MARCHF1: variants seen among roughly 807,000 people sequenced by gnomAD.
The protein encoded by MARCHF1 is membrane associated ring-CH-type finger 1.
In MARCHF1, 40 loss-of-function variants were observed where a neutral mutation model predicts 54.2. The ratio of observed to expected loss-of-function variants is 0.74; its 90% CI spans 0.57 to 0.96. MARCHF1 has a LOEUF of 0.96. MARCHF1 is among the 40% of genes least tolerant of loss of function. MARCHF1 has a pLI of 0.00. For missense variants in MARCHF1, 586 were observed against 656.5 expected (o/e 0.89, Z 1.17); for synonymous variants, 236 against 236.3 (o/e 1.00, Z 0.01).
Position 164,061,391 on chromosome 4 carries a change from G to T in MARCHF1, c.-248+50197C>A, listed in dbSNP as rs575063430. ...TTGGCATACCTTGGAGATATTGTAG[G>T]TTCAATTCCTAGCCACCAAGAAAAA... is the stretch of plus-strand genomic sequence containing the variant. On this transcript the variant is annotated intron_variant, in intron 2 of 9. Coordinates refer to ENST00000514618, the MANE Select transcript of MARCHF1 (RefSeq NM_001394959.1). Among the ~76,000 whole-genome samples, 3 of 151,220 alleles carry T rather than the reference G, an allele frequency of 2.0e-5. No homozygotes were observed. The East Asian group carries it at 5.8e-4, about 29-fold the overall frequency.
chr4:164,362,220 G>A (rs887508130), intron 1 of MARCHF1, among the ~76,000 whole-genome samples: 2 of 152,044 alleles, frequency 1.3e-5, no homozygotes, highest in Non-Finnish European at 2.9e-5. Flanking sequence ...ATTTGTGTGT[G>A]ATTATATCTA....
At chr4:163,855,936 T>C (rs1749758485) in intron 3 of MARCHF1, among the ~76,000 whole-genome samples, 1 of 152,218 alleles carries the variant, frequency 6.6e-6, no homozygotes, top group Non-Finnish European at 1.5e-5. Context: ...AAGAAGAGGA[T>C]AACTTTCATT....
chr4:163,648,389 G>A (rs1392360359), intron 5 of MARCHF1, among the ~76,000 whole-genome samples: 2 of 151,910 alleles, frequency 1.3e-5, no homozygotes, highest in Non-Finnish European at 2.9e-5. Context: ...TAGGAGTTCT[G>A]TGTTCAATTT....
intron 1 of MARCHF1, among the ~76,000 whole-genome samples, chr4:164,187,987 G>A (rs1324030049): frequency 6.6e-6 from 1 of 152,054 alleles, no homozygotes; most frequent in Non-Finnish European, 1.5e-5. Flanking sequence ...AGAATACTCA[G>A]ATTGAACATG....
chr4:164,271,285 T>C (rs1733740473), intron 1 of MARCHF1, among the ~76,000 whole-genome samples: 1 of 152,156 alleles, frequency 6.6e-6, no homozygotes. Context: ...GTTATCCAGA[T>C]GGGCCCAGTC....
intron 3 of MARCHF1, among the ~76,000 whole-genome samples, chr4:163,958,820 C>T (rs1385336040): frequency 6.6e-6 from 1 of 151,730 alleles, no homozygotes; most frequent in South Asian, 2.1e-4. Context: ...GGGATGAATT[C>T]AGGAAGAATT....
chr4:164,149,673 A>T (rs77432288), intron 1 of MARCHF1, among the ~76,000 whole-genome samples: 1 of 151,980 alleles, frequency 6.6e-6, no homozygotes, highest in Non-Finnish European at 1.5e-5. Context: ...AGTAGTAAAA[A>T]TTCCTGGTTT....
intron 3 of MARCHF1, among the ~76,000 whole-genome samples, chr4:163,957,699 G>T (rs542812203): frequency 1.3e-5 from 2 of 151,730 alleles, no homozygotes; most frequent in African/African-American, 4.8e-5. Context: ...AATTTCTCAC[G>T]CCAAAAAAAT....
chr4:163,681,830 A>C (rs71614776), intron 5 of MARCHF1, among the ~76,000 whole-genome samples: 21,505 of 152,118 alleles, frequency 0.14, 1,819 homozygotes, highest in East Asian at 0.33. Context: ...GTAGCAGTAG[A>C]GTGGGGTGTT....
intron 1 of MARCHF1, among the ~76,000 whole-genome samples, chr4:164,317,488 C>T (rs1036303821): frequency 1.6e-4 from 25 of 152,192 alleles, no homozygotes; most frequent in Non-Finnish European, 1.0e-4. Flanking sequence ...ACTGTATCAT[C>T]GCATCCACTA....
rs539171523 is a variant in MARCHF1, at chr4:163,595,210, T to C, written c.1011-9281A>G. 4.2e-4 allele frequency among the ~76,000 whole-genome samples: 58 copies of C among 138,526 alleles called. 1 individual carries two copies. The highest frequency in any genetic ancestry group is 1.5e-3 in the African/African-American group (56 of 37,312). 90.9% of individuals were successfully genotyped at this position (138,526 alleles called of 152,430 possible). ...ACCTAAATGTCCATCAACTTATCAA[T>C]AGAGAAAGAAAATATGGTATAAGCC... On this transcript the variant is annotated intron_variant, in intron 7 of 9. Coordinates refer to ENST00000514618, the MANE Select transcript of MARCHF1 (RefSeq NM_001394959.1).
At chr4:164,190,209 A>T (rs995317050) in intron 1 of MARCHF1, 1 of 1,527,332 alleles carries the variant, frequency 6.5e-7, no homozygotes, top group Non-Finnish European at 9.0e-7. Context: ...AGCTGCTGAC[A>T]TTGAAGACTT....
At chr4:164,382,579 A>G (rs1211677740) in intron 1 of MARCHF1, among the ~76,000 whole-genome samples, 1 of 152,186 alleles carries the variant, frequency 6.6e-6, no homozygotes, top group Non-Finnish European at 1.5e-5. Context: ...CTGAACCCCC[A>G]AAGTAGCAAA....
chr4:164,151,968 A>G (rs889489010), intron 1 of MARCHF1, among the ~76,000 whole-genome samples: 6 of 152,110 alleles, frequency 3.9e-5, no homozygotes, highest in African/African-American at 1.2e-4. Context: ...GTTAGCTTCT[A>G]TAATTCTAAC....
chr4:164,378,233 G>A (rs1002288378), intron 1 of MARCHF1, among the ~76,000 whole-genome samples: 2 of 152,208 alleles, frequency 1.3e-5, no homozygotes, highest in African/African-American at 2.4e-5. Context: ...GGCTTTGCCT[G>A]AGCAGAGGAC....
At chr4:163,529,130 G>A (rs1738254593) in intron 9 of MARCHF1, 84 bp from the exon 10 acceptor site, 1 of 922,742 alleles carries the variant, frequency 1.1e-6, no homozygotes. Context: ...CCCTTCAAAA[G>A]CCCGTGCTTG....
intron 4 of MARCHF1, among the ~76,000 whole-genome samples, chr4:163,804,075 T>G (rs1276262181): frequency 6.6e-6 from 1 of 152,192 alleles, no homozygotes; most frequent in Admixed American, 6.5e-5. Flanking sequence ...AAGCAGCTCT[T>G]GAGTCAAATA....
At chr4:163,745,324 A>C (rs1392481827) in intron 4 of MARCHF1, among the ~76,000 whole-genome samples, 2 of 152,006 alleles carry the variant, frequency 1.3e-5, no homozygotes, top group African/African-American at 2.4e-5. Flanking sequence ...CATCTTGTCC[A>C]TGCTGATCTT....
Position 164,095,894 on chromosome 4 carries a change from C to T in MARCHF1, c.-248+15694G>A, listed in dbSNP as rs566177760. Among the ~76,000 whole-genome samples the T allele has an allele frequency of 9.2e-5, 14 of 151,996 alleles. No individual in the cohort carries two copies. The South Asian group carries it at 1.2e-3, about 14-fold the overall frequency. On this transcript the variant is annotated intron_variant, in intron 2 of 9. Coordinates refer to ENST00000514618, the MANE Select transcript of MARCHF1 (RefSeq NM_001394959.1). The stretch of plus-strand genomic sequence containing the variant: ...CCATCTCACACAGTCAGAATAGCTA[C>T]GATTAAGAAGTCAAAAAATAACATA...
Sources: gnomAD v4.1 joint callset for allele counts (sites outside exome capture counted in the v4.1 genomes callset) on GRCh38, gnomAD v4.1.1 for gene constraint, MANE v1.5 for transcripts, NCBI Gene and HGNC (gene_info 2026-07-23, HGNC 2026-07-21) for gene names.